TCTN1: variants seen among roughly 807,000 people sequenced by gnomAD.
TCTN1 encodes the protein tectonic-1.
A neutral mutation model predicts 65.8 loss-of-function variants in TCTN1; 58 were observed. The ratio of observed to expected loss-of-function variants is 0.88; its 90% CI spans 0.71 to 1.10. The LOEUF (loss-of-function observed/expected upper bound fraction) is 1.10. TCTN1 is among the 50% of genes least tolerant of loss of function. The probability of loss-of-function intolerance (pLI) is 0.00; values close to 1 mark genes in which losing one functional copy is unlikely to be tolerated. For synonymous variants in TCTN1, 273 were observed against 289.1 expected (o/e 0.94, Z 0.57); for missense variants, 645 against 719.4 (o/e 0.90, Z 1.18).
chr12:110,621,646 G>T (rs1369409504), intron 2 of TCTN1, among the ~76,000 whole-genome samples: 2 of 151,648 alleles, frequency 1.3e-5, no homozygotes, highest in Non-Finnish European at 2.9e-5. Context: ...CTAATTTTTT[G>T]TATTTTTAGT....
rs960632788 is a variant in TCTN1 at position 110,626,253 on chromosome 12, G to A, written c.342-109G>A. 4 of 1,259,280 alleles carry A rather than the reference G, an allele frequency of 3.2e-6. No homozygotes were observed. In the African/African-American group the frequency reaches 6.0e-5, roughly 19 times the overall value. 78.0% of individuals were successfully genotyped at this position (1,259,280 alleles called of 1,614,324 possible). A position where few individuals can be genotyped will look rare whatever the true frequency, so the allele number is the denominator to read the frequency against. On this transcript the variant is annotated intron_variant, in intron 2 of 14. Coordinates refer to ENST00000397659, the MANE Select transcript of TCTN1 (RefSeq NM_001082538.3). ...TCATGCTTTCATAAATATCCTCCAC[G>A]TAACTGTTAACATAGTACAGTACAA... is the stretch of plus-strand genomic sequence containing the variant.
At chr12:110,622,686 G>C (rs1452418801) in intron 2 of TCTN1, among the ~76,000 whole-genome samples, 1 of 152,048 alleles carries the variant, frequency 6.6e-6, no homozygotes, top group Non-Finnish European at 1.5e-5. Flanking sequence ...AGAGGGGTGG[G>C]GTGAGAGGAG....
Position 110,628,757 on chromosome 12 carries a change from TAA to T in TCTN1, c.473-5_473-4del, listed in dbSNP as rs10577377. 3 of 1,586,566 alleles carry T rather than the reference TAA, an allele frequency of 1.9e-6. No individual in the cohort carries two copies. The Admixed American group carries it at 5.0e-5, about 27-fold the overall frequency. ...TACCGATTTAAAATACTGTTTTTTT[TAA>T]AAAACAGATAAACCTGCATTATCCT... On this transcript the variant is annotated splice_polypyrimidine_tract_variant and splice_region_variant and intron_variant, in intron 3 of 14. Coordinates refer to ENST00000397659, the MANE Select transcript of TCTN1 (RefSeq NM_001082538.3).
rs2136005462 is a variant in TCTN1, at chr12:110,628,806, A to G, written c.512A>G (p.Asp171Gly). 6.2e-7 allele frequency: 1 copy of G among 1,611,850 alleles called. No individual in the cohort carries two copies. The highest frequency in any genetic ancestry group is 1.7e-5 in the Admixed American group (1 of 60,002). The part of the protein sequence containing the change: ...ALSFINPEVP[D>G]ENNFDTLMKT... Reference sequence around the variant, plus strand: ...TCCTTTATTAATCCAGAAGTACCTGATGAAAACAATTTTGATACATTGATG... The same window carrying G: ...TCCTTTATTAATCCAGAAGTACCTGGTGAAAACAATTTTGATACATTGATG... The change falls in exon 4 of 15, where the codon GAT (aspartate) becomes GGT (glycine). Residue 171 changes from aspartate to glycine, a missense_variant. Physicochemically the swap from Asp to Gly is moderately conservative, Grantham distance 94 (BLOSUM62 -1). Transcript: ENST00000397659.
intron 5 of TCTN1, 23 bp from the exon 6 acceptor site, chr12:110,634,647 T>C (rs1196425315): frequency 8.9e-6 from 14 of 1,565,968 alleles, no homozygotes; most frequent in Non-Finnish European, 1.2e-5. Flanking sequence ...TTTTTTTTCC[T>C]TGGGAATGTT....
chr12:110,619,879 C>T lies in TCTN1; in HGVS notation c.264C>T (p.Asp88=), dbSNP rs373685803. 48 of 1,614,164 alleles carry T rather than the reference C, an allele frequency of 3.0e-5. No homozygotes were observed. The South Asian group carries it at 4.5e-4, about 15-fold the overall frequency. ...GTGACTTATCCCCAGCACAGTGTGA[C>T]ATCAACTGCTGCTGTGATCCCGACT... ...CVCDLSPAQC[D]INCCCDPDCS... The change falls in exon 2 of 15, where the codon GAC becomes GAT. Residue 88 remains aspartate, a synonymous_variant. Coordinates refer to ENST00000397659, the MANE Select transcript of TCTN1 (RefSeq NM_001082538.3).
Position 110,626,382 on chromosome 12 carries a change from G to A in TCTN1, c.362G>A (p.Ser121Asn). The change falls in exon 3 of 15, where the codon AGT becomes AAT. Residue 121 changes from serine (S) to asparagine (N), a missense_variant. Ser to Asn is a conservative substitution (Grantham distance 46). Transcript: ENST00000397659. ...PVVTGDSQFC[S>N]QKAVIYSLNF... ...TTCAGGGGCGACAGCCAGTTTTGTA[G>A]TCAAAAAGCAGTCATCTATTCATTG... is the stretch of plus-strand genomic sequence containing the variant. 1 of 1,591,740 alleles carries A rather than the reference G, an allele frequency of 6.3e-7. No homozygotes were observed. Among genetic ancestry groups the A allele is most frequent in the Non-Finnish European group, 8.6e-7 (1 of 1,166,492 alleles).
chr12:110,640,599 G>A lies in TCTN1; in HGVS notation c.978+82G>A, dbSNP rs1009476559. 15 of 1,599,024 alleles carry A rather than the reference G, an allele frequency of 9.4e-6. No homozygotes were observed. Among genetic ancestry groups the A allele is most frequent in the Admixed American group, 5.0e-5 (3 of 59,846 alleles). ...GCGCCGGGGTAACTGGACGCCCTCC[G>A]AGGACGCTCTGTCCCAGCCCATGGT... On this transcript the variant is annotated intron_variant, in intron 8 of 14. Coordinates refer to ENST00000397659, the MANE Select transcript of TCTN1 (RefSeq NM_001082538.3). The surrounding 1 kb of genome is among the most constrained non-coding windows in gnomAD (Gnocchi z 4.9).
rs2066854627 is a variant in TCTN1 at position 110,640,150 on chromosome 12, T to C, written c.844-233T>C. Among the ~76,000 whole-genome samples the C allele has an allele frequency of 6.6e-6, 1 of 152,248 alleles. No individual in the cohort carries two copies. On this transcript the variant is annotated intron_variant, in intron 7 of 14. Coordinates refer to ENST00000397659, the MANE Select transcript of TCTN1 (RefSeq NM_001082538.3). The surrounding 1 kb of genome is among the most constrained non-coding windows in gnomAD (Gnocchi z 4.9). ...CAAGTTTTTGTGTAAACTTTATGTT[T>C]TCAGAGGTAACTACTTTTAAAGTTT...
At chr12:110,645,228 G>A in intron 12 of TCTN1, 99 bp downstream of exon 12, 1 of 1,507,424 alleles carries the variant, frequency 6.6e-7, no homozygotes, top group East Asian at 2.3e-5. Flanking sequence ...GAGGCAGGAT[G>A]GCCCTGAGTG....
rs2067665998 is a variant in TCTN1, at chr12:110,649,270, C to CAGAATCCATGCTGG, written c.*230_*243dup. 1 of 710,916 alleles carries CAGAATCCATGCTGG rather than the reference C, an allele frequency of 1.4e-6. No individual in the cohort carries two copies. The highest frequency in any genetic ancestry group is 1.8e-5 in the African/African-American group (1 of 56,534). The allele number at this position is 710,916 out of a possible 1,614,324, so 44.0% of individuals were successfully genotyped here. A position where few individuals can be genotyped will look rare whatever the true frequency, so the allele number is the denominator to read the frequency against. On this transcript the variant is annotated 3_prime_UTR_variant, in exon 15 of 15. Transcript: ENST00000397659. ...GACCTTCCACAAGGCTGTGTCCACC[C>CAGAATCCATGCTGG]AGAATCCATGCTGGCAGGAGGGAGG...
rs537432372 is a variant in TCTN1 at position 110,649,269 on chromosome 12, C to A, written c.*228C>A. On this transcript the variant is annotated 3_prime_UTR_variant, in exon 15 of 15. Transcript: ENST00000397659. Reference sequence around the variant, plus strand: ...GGACCTTCCACAAGGCTGTGTCCACCCAGAATCCATGCTGGCAGGAGGGAG... The same window carrying A: ...GGACCTTCCACAAGGCTGTGTCCACACAGAATCCATGCTGGCAGGAGGGAG... 2.4e-4 allele frequency: 171 copies of A among 709,578 alleles called. 1 individual carries two copies. In the African/African-American group the frequency reaches 2.5e-3, roughly 10 times the overall value. 44.0% of individuals were successfully genotyped at this position (709,578 alleles called of 1,614,324 possible).
intron 4 of TCTN1, chr12:110,629,896 G>T (rs1049746743): frequency 6.6e-6 from 1 of 152,176 alleles, no homozygotes. Flanking sequence ...ACACAACATG[G>T]AATGCTAAGC....
At position 110,626,344 on chromosome 12, in the gene TCTN1, T is replaced by G; in HGVS notation, c.342-18T>G. On this transcript the variant is annotated intron_variant, in intron 2 of 14. Coordinates refer to ENST00000397659, the MANE Select transcript of TCTN1 (RefSeq NM_001082538.3). The stretch of plus-strand genomic sequence containing the variant: ...CTTATGTCTTGTAACTTTGTATTAT[T>G]ATTTTTTTAATTTTCAGGGGCGACA... 1.3e-6 allele frequency: 2 copies of G among 1,552,712 alleles called. No homozygotes were observed. The highest frequency in any genetic ancestry group is 1.7e-6 in the Non-Finnish European group (2 of 1,148,360).
intron 1 of TCTN1, among the ~76,000 whole-genome samples, chr12:110,616,070 A>G (rs907708147): frequency 6.6e-6 from 1 of 152,212 alleles, no homozygotes; most frequent in Non-Finnish European, 1.5e-5. Context: ...GAAGAAAGCC[A>G]AGTATTCAAT....
In TCTN1 at chr12:110,640,470, C is replaced by G; in HGVS notation, c.931C>G (p.Leu311Val). Residue 311 changes from leucine (L) to valine (V), a missense_variant, in exon 8 of 15, where the codon CTC (leucine) becomes GTC (valine). Transcript: ENST00000397659. The surrounding 1 kb of genome is among the most constrained non-coding windows in gnomAD (Gnocchi z 4.9). ...GGACACTGATGTGCTGCAGCCGACT[C>G]TCGTCAACGCTGGACACTTTAGCCT... ...REDTDVLQPT[L>V]VNAGHFSLCV... The G allele has an allele frequency of 1.2e-6, 2 of 1,614,240 alleles. No individual in the cohort carries two copies. Among genetic ancestry groups the G allele is most frequent in the African/African-American group, 1.3e-5 (1 of 75,058 alleles).
chr12:110,647,756 C>G lies in TCTN1; in HGVS notation c.1643C>G (p.Ser548Ter). 6.2e-7 allele frequency: 1 copy of G among 1,614,210 alleles called. No individual in the cohort carries two copies. Among genetic ancestry groups the G allele is most frequent in the Non-Finnish European group, 8.5e-7 (1 of 1,180,040 alleles). The change falls in exon 14 of 15, where the codon TCA becomes TGA. Residue 548 changes from serine to a stop codon, truncating the protein, a stop_gained. Transcript: ENST00000397659. LOFTEE classifies it high-confidence loss of function. ...TCTCTCTGTTTATTACAGGCCAACTCAGGAAATGAAAGGACGATTCTTATT... is the reference window on the plus strand; with the variant it reads ...TCTCTCTGTTTATTACAGGCCAACTGAGGAAATGAAAGGACGATTCTTATT... ...LISSSFPEANSGNERTILIST... is the reference protein window; with the variant it reads ...LISSSFPEAN
intron 3 of TCTN1, chr12:110,628,099 C>G: frequency 6.5e-7 from 1 of 1,536,014 alleles, no homozygotes; most frequent in Non-Finnish European, 8.7e-7. Context: ...GAGTAGAAGT[C>G]GGATTCTTTC....
intron 1 of TCTN1, among the ~76,000 whole-genome samples, chr12:110,618,811 T>C (rs1217976297): frequency 1.3e-5 from 2 of 152,150 alleles, no homozygotes; most frequent in Non-Finnish European, 2.9e-5. Flanking sequence ...CAGAATAAGA[T>C]AGAGAATTAA....
Sources: allele counts gnomAD v4.1 joint callset (sites outside exome capture counted in the v4.1 genomes callset), GRCh38; gene constraint gnomAD v4.1.1; non-coding constraint Gnocchi (gnomAD v3.1); transcripts MANE v1.5; gene names NCBI Gene and HGNC (gene_info 2026-07-23, HGNC 2026-07-21).